USP53: variants seen among roughly 807,000 people sequenced by gnomAD.
USP53 encodes the protein ubiquitin carboxyl-terminal hydrolase 53.
USP53 carries 71 observed loss-of-function variants against 94.9 expected under a neutral mutation model. The ratio of observed to expected loss-of-function variants is 0.75; its 90% confidence interval spans 0.62 to 0.91. USP53 has a LOEUF of 0.91. USP53 is among the 40% of genes least tolerant of loss of function. USP53 has a pLI of 0.00. For missense variants in USP53, 1,173 were observed against 1,281.0 expected (o/e 0.92, Z 1.29); for synonymous variants, 375 against 422.7 (o/e 0.89, Z 1.39).
intron 2 of USP53, 38 bp downstream of exon 2, chr4:119,214,260 T>C (rs1743386355): frequency 6.6e-6 from 1 of 152,130 alleles, no homozygotes; most frequent in Non-Finnish European, 1.5e-5. Context: ...AAATAAGGTT[T>C]TTGTTTTGTA....
At chr4:119,259,444 G>A (rs576495949) in intron 9 of USP53, among the ~76,000 whole-genome samples, 1 of 152,142 alleles carries the variant, frequency 6.6e-6, no homozygotes, top group South Asian at 2.1e-4. Context: ...TAGAGAGGGA[G>A]CCTTTCCTAC....
chr4:119,285,129 G>C (rs908123640), intron 17 of USP53, among the ~76,000 whole-genome samples: 1 of 151,808 alleles, frequency 6.6e-6, no homozygotes, highest in Non-Finnish European at 1.5e-5. Context: ...GATGGAGTAA[G>C]ACCCTTTAGG....
chr4:119,259,625 T>C (rs1311560544), intron 9 of USP53, among the ~76,000 whole-genome samples, 195 bp from the exon 10 acceptor site: 5 of 152,182 alleles, frequency 3.3e-5, no homozygotes, highest in African/African-American at 1.2e-4. Context: ...TTTGAGCTAA[T>C]TTTTTTCATT....
In USP53 at chr4:119,245,429, G is replaced by C. The variant is rs747029917; in HGVS notation, c.237G>C (p.Lys79Asn). 3 of 1,613,088 alleles carry C rather than the reference G, an allele frequency of 1.9e-6. No individual in the cohort carries two copies. The highest frequency in any genetic ancestry group is 2.5e-6 in the Non-Finnish European group (3 of 1,179,550). ...QGDACIFCALKTIFAQFQHSR... is the reference protein window; with the variant it reads ...QGDACIFCALNTIFAQFQHSR... ...ATGCCTGTATATTTTGTGCATTGAAGGTAACCTTTTAATAGCTCTGAAAAA... is the reference window on the plus strand; with the variant it reads ...ATGCCTGTATATTTTGTGCATTGAACGTAACCTTTTAATAGCTCTGAAAAA... Residue 79 changes from lysine (K) to asparagine (N), a missense_variant and splice_region_variant, in exon 6 of 19, where the codon AAG (lysine) becomes AAC (asparagine). Physicochemically the swap from Lys to Asn is moderately conservative, Grantham distance 94. Transcript: ENST00000692078.
chr4:119,217,616 T>C lies in USP53; in HGVS notation c.-722T>C, dbSNP rs1743973540. On this transcript the variant is annotated 5_prime_UTR_variant, in exon 3 of 19. Coordinates refer to ENST00000692078, the MANE Select transcript of USP53 (RefSeq NM_001371395.1). ...GAGACAATAAAGAATAAGCAGTCAA[T>C]TCTATAATATATTTAGAAGGAGAAA... The C allele has an allele frequency of 1.3e-5, 2 of 152,228 alleles. No individual in the cohort carries two copies. Among genetic ancestry groups the C allele is most frequent in the South Asian group, 4.1e-4 (2 of 4,830 alleles). 9.4% of individuals were successfully genotyped at this position (152,228 alleles called of 1,614,324 possible).
chr4:119,247,294 G>T (rs1310313239), intron 6 of USP53, among the ~76,000 whole-genome samples: 1 of 152,026 alleles, frequency 6.6e-6, no homozygotes, highest in Non-Finnish European at 1.5e-5. Flanking sequence ...GCCAAACTGG[G>T]CTCTATTTCT....
chr4:119,291,152 C>T lies in USP53; in HGVS notation c.2252-13C>T, dbSNP rs753032162. The T allele has an allele frequency of 2.9e-6, 3 of 1,017,242 alleles. No individual in the cohort carries two copies. The highest frequency in any genetic ancestry group is 4.3e-6 in the Non-Finnish European group (3 of 696,494). The allele number at this position is 1,017,242 out of a possible 1,614,324, so 63.0% of individuals were successfully genotyped here. A position where few individuals can be genotyped will look rare whatever the true frequency, so the allele number is the denominator to read the frequency against. ...TTTTCCTCATCTCTTCTCCCCACCC[C>T]ACCCAACCCTAGGCTTTAGAAAAGA... On this transcript the variant is annotated splice_polypyrimidine_tract_variant and intron_variant, in intron 17 of 18. Transcript: ENST00000692078.
At chr4:119,265,131 C>CA (rs1202944589) in intron 12 of USP53, among the ~76,000 whole-genome samples, 1 of 152,054 alleles carries the variant, frequency 6.6e-6, no homozygotes, top group African/African-American at 2.4e-5. Flanking sequence ...CCAGGGACTG[C>CA]AAAATGGGGT....
chr4:119,287,648 C>T (rs892608250), intron 17 of USP53, among the ~76,000 whole-genome samples: 11 of 151,942 alleles, frequency 7.2e-5, no homozygotes, highest in Admixed American at 1.3e-4. Flanking sequence ...ACTAAAAATA[C>T]GGGAGAATGC....
intron 9 of USP53, 137 bp from the exon 10 acceptor site, chr4:119,259,683 T>A: frequency 1.7e-6 from 1 of 575,724 alleles, no homozygotes; most frequent in South Asian, 2.9e-5. Context: ...AAATGTACTT[T>A]ATGGTTAATT....
chr4:119,253,518 T>C (rs900708262), intron 7 of USP53, among the ~76,000 whole-genome samples: 1 of 152,210 alleles, frequency 6.6e-6, no homozygotes, highest in Non-Finnish European at 1.5e-5. Flanking sequence ...AAGCCTGTTT[T>C]ATCAGAGACC....
chr4:119,269,081 C>T (rs1398272882), intron 14 of USP53, among the ~76,000 whole-genome samples: 1 of 152,030 alleles, frequency 6.6e-6, no homozygotes, highest in Non-Finnish European at 1.5e-5. Context: ...AACAGTTATC[C>T]ACAAAAAACT....
At chr4:119,219,375 CCTTCCAGCCTCTGCCTCTGTCATCATT>C (rs1466370869) in intron 3 of USP53, 1 of 152,296 alleles carries the variant, frequency 6.6e-6, no homozygotes, top group African/African-American at 2.4e-5. Flanking sequence ...GCAGCTTCAT[CCTTCCAGCCTCTGCCTCTGTCATCATT>C]CTCTCTCTTT....
At chr4:119,227,095 G>A (rs1426172019) in intron 3 of USP53, among the ~76,000 whole-genome samples, 1 of 152,150 alleles carries the variant, frequency 6.6e-6, no homozygotes, top group Non-Finnish European at 1.5e-5. Context: ...GCCTCTCAAA[G>A]TACTAGGATT....
Position 119,248,858 on chromosome 4 carries a change from T to C in USP53, c.348T>C (p.Leu116=), listed in dbSNP as rs763881097. Residue 116 remains leucine, a synonymous_variant, in exon 7 of 19, where the codon CTT becomes CTC. Coordinates refer to ENST00000692078, the MANE Select transcript of USP53 (RefSeq NM_001371395.1). ...ATGAGCAGCGATTTCAACTTGGCCTTATGGATGATGCTGCGGAGTGCTTTG... is the reference window on the plus strand; with the variant it reads ...ATGAGCAGCGATTTCAACTTGGCCTCATGGATGATGCTGCGGAGTGCTTTG... ...FKDEQRFQLG[L]MDDAAECFEN... The C allele has an allele frequency of 6.2e-7, 1 of 1,614,154 alleles. No homozygotes were observed. Among genetic ancestry groups the C allele is most frequent in the Non-Finnish European group, 8.5e-7 (1 of 1,180,028 alleles).
intron 5 of USP53, among the ~76,000 whole-genome samples, chr4:119,240,589 A>G (rs1397608): frequency 0.29 from 43,931 of 152,048 alleles, 6,515 homozygotes; most frequent in East Asian, 0.39. Flanking sequence ...AACTTTTTCT[A>G]TTGACCTTAG....
rs546510267 is a variant in USP53, at chr4:119,228,172, A to C, written c.-664-7118A>C. 2.0e-5 allele frequency among the ~76,000 whole-genome samples: 3 copies of C among 152,352 alleles called. No individual in the cohort carries two copies. In the East Asian group the frequency reaches 5.8e-4, roughly 29 times the overall value. ...TCTTACAAGAGTGGTCAAAGCATCA[A>C]ATGGGCTGGCCTTTTATCTGGAGGC... On this transcript the variant is annotated intron_variant, in intron 3 of 18. Transcript: ENST00000692078.
intron 3 of USP53, among the ~76,000 whole-genome samples, chr4:119,222,939 T>G (rs2149271331): frequency 6.6e-6 from 1 of 152,332 alleles, no homozygotes; most frequent in Non-Finnish European, 1.5e-5. Flanking sequence ...ATCACTTTAT[T>G]ACACTTCTTT....
chr4:119,269,806 G>A lies in USP53; in HGVS notation c.1404G>A (p.Lys468=). 6.6e-7 allele frequency: 1 copy of A among 1,506,196 alleles called. No homozygotes were observed. The highest frequency in any genetic ancestry group is 1.4e-5 in the African/African-American group (1 of 70,660). The allele number at this position is 1,506,196 out of a possible 1,614,324, so 93.3% of individuals were successfully genotyped here. ...CTTCACAAAGGAAAGATTTAGAGAA[G>A]GGACAAAGAAAAGATTTAGGACGAC... is the stretch of plus-strand genomic sequence containing the variant. ...LLSSQRKDLE[K]GQRKDLGRHR... Residue 468 remains lysine, a synonymous_variant, in exon 15 of 19, where the codon AAG becomes AAA. Coordinates refer to ENST00000692078, the MANE Select transcript of USP53 (RefSeq NM_001371395.1).
Sources: allele counts gnomAD v4.1 joint callset (sites outside exome capture counted in the v4.1 genomes callset), GRCh38; gene constraint gnomAD v4.1.1; transcripts MANE v1.5; gene names NCBI Gene and HGNC (gene_info 2026-07-23, HGNC 2026-07-21).